BRAF: variants seen among roughly 807,000 people sequenced by gnomAD.
BRAF encodes serine/threonine-protein kinase B-raf.
BRAF carries 16 observed loss-of-function variants against 104.6 expected under a neutral mutation model. The observed-to-expected ratio is 0.15, with a 90% CI of 0.10 to 0.23. The LOEUF (loss-of-function observed/expected upper bound fraction) is 0.23, where lower values mean the gene tolerates loss of function less well. Ranked by LOEUF, BRAF falls within the 10% of genes least tolerant of loss-of-function variation. BRAF has a pLI of 1.00. For missense variants in BRAF, 541 were observed against 937.3 expected (o/e 0.58, Z 5.52); for synonymous variants, 310 against 341.6 (o/e 0.91, Z 1.02).
rs756865814 is a variant in BRAF, at chr7:140,734,612, C to T, written c.2401+5G>A. The T allele has an allele frequency of 6.2e-7, 1 of 1,613,410 alleles. No homozygotes were observed. Among genetic ancestry groups the T allele is most frequent in the Non-Finnish European group, 8.5e-7 (1 of 1,179,884 alleles). Reference sequence around the variant, plus strand: ...CTCATTTGTTTCAGTGGACAGGAAACGCACCATATCCCCCTGCCTGGATGG... The same window carrying T: ...CTCATTTGTTTCAGTGGACAGGAAATGCACCATATCCCCCTGCCTGGATGG... On this transcript the variant is annotated splice_donor_5th_base_variant and intron_variant, in intron 19 of 19. Coordinates refer to ENST00000644969, the MANE Select transcript of BRAF (RefSeq NM_001374258.1).
rs1795253908 is a variant in BRAF at position 140,720,193 on chromosome 7, G to C, written c.*6301C>G. On this transcript the variant is annotated 3_prime_UTR_variant, in exon 20 of 20. Transcript: ENST00000644969. ...GGCAGCAATTGCCATGTTGAGGAAA[G>C]GATCAGATGTACAACCAACAAATGA... The C allele has an allele frequency of 9.4e-7, 1 of 1,062,396 alleles. No homozygotes were observed. Among genetic ancestry groups the C allele is most frequent in the Admixed American group, 5.4e-5 (1 of 18,630 alleles). 65.8% of individuals were successfully genotyped at this position (1,062,396 alleles called of 1,614,324 possible).
At position 140,735,039 on chromosome 7, in the gene BRAF, C is replaced by G. The variant is rs377604003; in HGVS notation, c.2248-269G>C. Reference sequence around the variant, plus strand: ...AATGGGGAGAGTAATTCTTAGTCAGCTTTTATTTATATTTTAGATCATTTG... The same window carrying G: ...AATGGGGAGAGTAATTCTTAGTCAGGTTTTATTTATATTTTAGATCATTTG... On this transcript the variant is annotated intron_variant, in intron 18 of 19. Coordinates refer to ENST00000644969, the MANE Select transcript of BRAF (RefSeq NM_001374258.1). 6.9e-3 allele frequency among the ~76,000 whole-genome samples: 1,043 copies of G among 152,086 alleles called. 9 individuals carry two copies. Among genetic ancestry groups the G allele is most frequent in the South Asian group, 0.017 (80 of 4,816 alleles).
chr7:140,849,048 A>G (rs1286087453), intron 2 of BRAF, among the ~76,000 whole-genome samples: 1 of 152,222 alleles, frequency 6.6e-6, no homozygotes, highest in Non-Finnish European at 1.5e-5. Flanking sequence ...GCCAAATGGC[A>G]ACCTGATCAT....
intron 3 of BRAF, among the ~76,000 whole-genome samples, chr7:140,818,037 A>AC (rs1276038247): frequency 1.3e-5 from 2 of 152,068 alleles, no homozygotes; most frequent in African/African-American, 4.8e-5. Flanking sequence ...CAAATTAAAA[A>AC]AAAAACAAAA....
intron 1 of BRAF, among the ~76,000 whole-genome samples, chr7:140,871,155 T>C (rs1811543445): frequency 7.4e-6 from 1 of 135,712 alleles, no homozygotes; most frequent in Admixed American, 8.3e-5. Context: ...CGCGGGAGAA[T>C]GGCGTGAATC....
At chr7:140,803,703 G>A (rs1803362639) in intron 5 of BRAF, among the ~76,000 whole-genome samples, 1 of 152,120 alleles carries the variant, frequency 6.6e-6, no homozygotes, top group Non-Finnish European at 1.5e-5. Context: ...GGCAAATGAT[G>A]TAGAACATGA....
intron 1 of BRAF, among the ~76,000 whole-genome samples, chr7:140,901,459 A>G (rs1815622361): frequency 6.6e-6 from 1 of 152,204 alleles, no homozygotes; most frequent in African/African-American, 2.4e-5. Context: ...TATTGTTTTT[A>G]AAGTATATTT....
chr7:140,752,307 T>C (rs959289371), intron 16 of BRAF, among the ~76,000 whole-genome samples: 3 of 152,186 alleles, frequency 2.0e-5, no homozygotes, highest in Admixed American at 6.5e-5. Context: ...GCTGGAACTA[T>C]GGACTCCAGC....
intron 1 of BRAF, among the ~76,000 whole-genome samples, chr7:140,850,824 GT>G (rs1338017103): frequency 1.3e-5 from 2 of 152,130 alleles, no homozygotes; most frequent in Admixed American, 1.3e-4. Flanking sequence ...AGATCCTCAA[GT>G]TTTATCTGTA....
chr7:140,896,890 G>A (rs542056950), intron 1 of BRAF, among the ~76,000 whole-genome samples: 1 of 149,740 alleles, frequency 6.7e-6, no homozygotes, highest in Non-Finnish European at 1.5e-5. Flanking sequence ...AAAGGGGTGG[G>A]GGGGGAAGAG....
At chr7:140,894,745 T>C (rs1020924102) in intron 1 of BRAF, among the ~76,000 whole-genome samples, 3 of 151,918 alleles carry the variant, frequency 2.0e-5, no homozygotes, top group African/African-American at 7.3e-5. Flanking sequence ...AGAACTGCCT[T>C]ATCAACAAAA....
At chr7:140,799,878 T>C (rs763947804) in intron 7 of BRAF, 7 of 294,566 alleles carry the variant, frequency 2.4e-5, no homozygotes, top group Non-Finnish European at 3.9e-5. Context: ...TAATAAAAGA[T>C]GAACTCAAGG....
At chr7:140,849,275 C>T (rs1484494480) in intron 2 of BRAF, among the ~76,000 whole-genome samples, 1 of 152,068 alleles carries the variant, frequency 6.6e-6, no homozygotes, top group Non-Finnish European at 1.5e-5. Flanking sequence ...CACCTACTAA[C>T]TCATAGGATT....
intron 16 of BRAF, 54 bp from the exon 16 acceptor site, chr7:140,749,472 AAAAC>A: frequency 1.3e-6 from 2 of 1,570,922 alleles, no homozygotes; most frequent in Non-Finnish European, 1.7e-6. Context: ...TAAAGACTGA[AAAAC>A]AACCTACTAT....
chr7:140,765,477 C>T (rs1484915219), intron 14 of BRAF, among the ~76,000 whole-genome samples: 1 of 152,132 alleles, frequency 6.6e-6, no homozygotes, highest in Non-Finnish European at 1.5e-5. Context: ...AGAGCTTCTG[C>T]ACAGCAAAAG....
chr7:140,788,878 C>T (rs968142158), intron 8 of BRAF, among the ~76,000 whole-genome samples: 1 of 151,890 alleles, frequency 6.6e-6, no homozygotes, highest in Non-Finnish European at 1.5e-5. Flanking sequence ...CATAAGCCGC[C>T]GCAACCGGCC....
intron 3 of BRAF, among the ~76,000 whole-genome samples, chr7:140,815,346 C>T (rs1804757155): frequency 6.6e-6 from 1 of 151,448 alleles, no homozygotes; most frequent in South Asian, 2.1e-4. Flanking sequence ...GGGGTTTCTC[C>T]TTGTTAGCCA....
Position 140,785,764 on chromosome 7 carries a change from G to A in BRAF, c.1222C>T (p.Arg408Trp), listed in dbSNP as rs1475054572. Residue 408 changes from arginine (R) to tryptophan (W), a missense_variant, in exon 10 of 20, where the codon CGG (arginine) becomes TGG (tryptophan). Around this residue, in one of 10 missense-constraint regions of BRAF, gnomAD observed 109 missense variants for 143.9 expected, o/e 0.76. Transcript: ENST00000644969. ...GAATGTAGGAGGGGACTGGGAGTCC[G>A]GGATTGGTATTTCCGAAGACAGCGC... is the stretch of plus-strand genomic sequence containing the variant. ...LMRCLRKYQS[R>W]TPSPLLHSVP... 4 of 398,886 alleles carry A rather than the reference G, an allele frequency of 1.0e-5. No homozygotes were observed. Among genetic ancestry groups the A allele is most frequent in the Non-Finnish European group, 1.3e-5 (3 of 226,076 alleles). The allele number at this position is 398,886 out of a possible 1,614,324, so 24.7% of individuals were successfully genotyped here. A position where few individuals can be genotyped will look rare whatever the true frequency, so the allele number is the denominator to read the frequency against.
chr7:140,781,252 T>C (rs1562956759), intron 12 of BRAF: 5 of 344,920 alleles, frequency 1.4e-5, no homozygotes, highest in Non-Finnish European at 2.8e-5. Flanking sequence ...TTTTAATATG[T>C]TTACTTGTGA....
Sources: gnomAD v4.1 joint callset for allele counts (sites outside exome capture counted in the v4.1 genomes callset) on GRCh38, gnomAD v4.1.1 for gene constraint, gnomAD v4.1.1 regional missense constraint, MANE v1.5 for transcripts, NCBI Gene and HGNC (gene_info 2026-07-23, HGNC 2026-07-21) for gene names.